MBOAT2: variants seen among roughly 807,000 people sequenced by gnomAD.
MBOAT2 encodes the protein membrane bound glycerophospholipid O-acyltransferase 2.
Under a neutral mutation model 63.4 loss-of-function variants are expected in MBOAT2, and 28 were observed. That is an observed-to-expected ratio of 0.44 (90% CI 0.33 to 0.61). The LOEUF (loss-of-function observed/expected upper bound fraction) is 0.61. Ranked by LOEUF, MBOAT2 falls within the 20% of genes least tolerant of loss-of-function variation. The probability of loss-of-function intolerance (pLI) is 0.03; values close to 1 mark genes in which losing one functional copy is unlikely to be tolerated. For synonymous variants in MBOAT2, 211 were observed against 215.6 expected (o/e 0.98, Z 0.19); for missense variants, 470 against 605.8 (o/e 0.78, Z 2.35).
chr2:8,943,194 T>C lies in MBOAT2; in HGVS notation c.292A>G (p.Met98Val), dbSNP rs759547712. 3 of 1,547,608 alleles carry C rather than the reference T, an allele frequency of 1.9e-6. No individual in the cohort carries two copies. The highest frequency in any genetic ancestry group is 1.8e-6 in the Non-Finnish European group (2 of 1,138,190). Residue 98 changes from methionine to valine, a missense_variant, in exon 3 of 13, where the codon ATG becomes GTG. Around this residue, in one of 3 missense-constraint regions of MBOAT2, gnomAD observed 376 missense variants for 503.8 expected, o/e 0.75. Coordinates refer to ENST00000305997, the MANE Select transcript of MBOAT2 (RefSeq NM_138799.4). Reference sequence around the variant, plus strand: ...AACAAAGTGAATACTTACTTGTGCATGTTCTCCACTCCTATGATGATCATG... The same window carrying C: ...AACAAAGTGAATACTTACTTGTGCACGTTCTCCACTCCTATGATGATCATG... ...CIMIIIGVEN[M>V]HNYCFVFALG...
intron 1 of MBOAT2, among the ~76,000 whole-genome samples, chr2:8,959,341 G>C (rs992802966): frequency 6.6e-6 from 1 of 152,112 alleles, no homozygotes; most frequent in Admixed American, 6.5e-5. Flanking sequence ...TTGACTTATA[G>C]AAGTGAAATA....
At chr2:8,864,107 G>A (rs1374861033) in intron 10 of MBOAT2, 63 bp downstream of exon 10, 1 of 1,153,240 alleles carries the variant, frequency 8.7e-7, no homozygotes, top group African/African-American at 1.6e-5. Flanking sequence ...TGAACTCAAT[G>A]AAGCTCAACC....
chr2:8,922,547 C>T (rs1666650888), intron 3 of MBOAT2, among the ~76,000 whole-genome samples: 1 of 152,212 alleles, frequency 6.6e-6, no homozygotes, highest in African/African-American at 2.4e-5. Flanking sequence ...GATGTCTCTA[C>T]TCAGTTTTTT....
In MBOAT2 at chr2:8,853,288, A is replaced by G. The variant is rs532023132; in HGVS notation, c.*5391T>C. ...CTGGTTTGGAACACATTTGTGTTCA[A>G]TGTTTGATTCCTTTTTCCTTGTGAT... On this transcript the variant is annotated 3_prime_UTR_variant, in exon 13 of 13. Transcript: ENST00000305997. The G allele has an allele frequency of 1.3e-5, 2 of 152,374 alleles. No homozygotes were observed. The highest frequency in any genetic ancestry group is 6.5e-5 in the Admixed American group (1 of 15,304). The allele number at this position is 152,374 out of a possible 1,614,324, so 9.4% of individuals were successfully genotyped here.
At chr2:9,000,787 C>T (rs1474242830) in intron 1 of MBOAT2, among the ~76,000 whole-genome samples, 2 of 152,194 alleles carry the variant, frequency 1.3e-5, no homozygotes, top group Admixed American at 6.5e-5. Context: ...TACATTTACG[C>T]TACACTGAAT....
At chr2:8,903,989 T>C (rs1022149825) in intron 4 of MBOAT2, among the ~76,000 whole-genome samples, 1 of 152,150 alleles carries the variant, frequency 6.6e-6, no homozygotes, top group Non-Finnish European at 1.5e-5. Flanking sequence ...TTACTTTATT[T>C]TTTATTTTTT....
intron 8 of MBOAT2, among the ~76,000 whole-genome samples, chr2:8,871,388 T>C (rs1662318042): frequency 6.6e-6 from 1 of 152,182 alleles, no homozygotes; most frequent in Non-Finnish European, 1.5e-5. Flanking sequence ...GTTCTATTGA[T>C]AAGATTTCCA....
chr2:8,943,095 A>C, intron 3 of MBOAT2, 92 bp downstream of exon 3: 1 of 671,918 alleles, frequency 1.5e-6, no homozygotes, highest in Non-Finnish European at 2.3e-6. Context: ...CACAATTCAT[A>C]ATTACTTTTA....
chr2:8,966,377 G>A (rs565404543), intron 1 of MBOAT2, among the ~76,000 whole-genome samples: 5 of 152,296 alleles, frequency 3.3e-5, no homozygotes, highest in African/African-American at 9.6e-5. Context: ...TCAGTTTCAA[G>A]CGCCCTGTGC....
chr2:8,934,658 C>A (rs1667539404), intron 3 of MBOAT2, among the ~76,000 whole-genome samples: 1 of 152,174 alleles, frequency 6.6e-6, no homozygotes, highest in African/African-American at 2.4e-5. Context: ...GGGCCTGTAC[C>A]TTTATTCCAA....
chr2:8,993,939 G>A (rs1408507545), intron 1 of MBOAT2, among the ~76,000 whole-genome samples: 2 of 152,174 alleles, frequency 1.3e-5, no homozygotes, highest in Non-Finnish European at 2.9e-5. Flanking sequence ...GCCAGGTTCT[G>A]ACTCCGTGTG....
At chr2:8,962,362 C>T (rs997931181) in intron 1 of MBOAT2, among the ~76,000 whole-genome samples, 26 of 152,138 alleles carry the variant, frequency 1.7e-4, no homozygotes, top group African/African-American at 6.3e-4. Context: ...GTCTTTAGTA[C>T]CAGTCACCTA....
rs1294868884 is a variant in MBOAT2 at position 8,862,286 on chromosome 2, T to C, written c.1185+304A>G. 7.6e-6 allele frequency: 10 copies of C among 1,323,536 alleles called. No individual in the cohort carries two copies. Among genetic ancestry groups the C allele is most frequent in the Non-Finnish European group, 9.9e-6 (10 of 1,012,152 alleles). The allele number at this position is 1,323,536 out of a possible 1,614,324, so 82.0% of individuals were successfully genotyped here. A position where few individuals can be genotyped will look rare whatever the true frequency, so the allele number is the denominator to read the frequency against. Reference sequence around the variant, plus strand: ...ATAAACCTACCCATTCTGATCATCTTTATTTAACTCAGTTTTTATCTCTCC... The same window carrying C: ...ATAAACCTACCCATTCTGATCATCTCTATTTAACTCAGTTTTTATCTCTCC... On this transcript the variant is annotated intron_variant, in intron 11 of 12. Coordinates refer to ENST00000305997, the MANE Select transcript of MBOAT2 (RefSeq NM_138799.4). This position sits in a 1 kb window ranked among gnomAD's most constrained non-coding sequence, Gnocchi z 4.3.
chr2:8,905,947 C>CA (rs1380309818), intron 4 of MBOAT2, among the ~76,000 whole-genome samples: 1 of 152,034 alleles, frequency 6.6e-6, no homozygotes, highest in Non-Finnish European at 1.5e-5. Context: ...ATTTAACTGG[C>CA]ATTTTATTTT....
At chr2:8,913,403 A>G (rs10177181) in intron 3 of MBOAT2, among the ~76,000 whole-genome samples, 2,882 of 152,236 alleles carry the variant, frequency 0.019, 35 homozygotes, top group Middle Eastern at 0.037. Flanking sequence ...CAGGCAACCC[A>G]CAGAGAAAAT....
At chr2:9,000,793 T>G (rs1263393566) in intron 1 of MBOAT2, among the ~76,000 whole-genome samples, 1 of 152,254 alleles carries the variant, frequency 6.6e-6, no homozygotes, top group East Asian at 1.9e-4. Context: ...TACGCTACAC[T>G]GAATTTATAA....
intron 1 of MBOAT2, among the ~76,000 whole-genome samples, chr2:8,998,526 T>A (rs1332410805): frequency 3.3e-5 from 5 of 152,078 alleles, no homozygotes; most frequent in Admixed American, 6.6e-5. Flanking sequence ...TGCAGGAAGA[T>A]TAAAGAAGTG....
chr2:8,988,345 TTACTATATGA>T (rs1391192170), intron 1 of MBOAT2, among the ~76,000 whole-genome samples: 1 of 152,244 alleles, frequency 6.6e-6, no homozygotes, highest in Non-Finnish European at 1.5e-5. Flanking sequence ...ATATTTATTG[TTACTATATGA>T]ACATCAACTT....
chr2:8,910,765 C>G lies in MBOAT2; in HGVS notation c.300-2049G>C, dbSNP rs1665657031. 3.3e-5 allele frequency among the ~76,000 whole-genome samples: 5 copies of G among 152,138 alleles called. No individual in the cohort carries two copies. The South Asian group carries it at 8.3e-4, about 25-fold the overall frequency. On this transcript the variant is annotated intron_variant, in intron 3 of 12. Transcript: ENST00000305997. ...ATGTAGAGGATTACAATTAGATACACAGGAAGCCCACATAGTTTTCTAATG... is the reference window on the plus strand; with the variant it reads ...ATGTAGAGGATTACAATTAGATACAGAGGAAGCCCACATAGTTTTCTAATG...
Sources: allele counts gnomAD v4.1 joint callset (sites outside exome capture counted in the v4.1 genomes callset), GRCh38; gene constraint gnomAD v4.1.1; regional missense constraint gnomAD v4.1.1; non-coding constraint Gnocchi (gnomAD v3.1); transcripts MANE v1.5; gene names NCBI Gene and HGNC (gene_info 2026-07-23, HGNC 2026-07-21).